Variants in MVP observed in about 807,000 individuals in gnomAD.
The protein encoded by MVP is major vault protein.
A neutral mutation model predicts 83.5 loss-of-function variants in MVP; 62 were observed. The observed-to-expected ratio is 0.74, with a 90% CI of 0.61 to 0.92. The LOEUF (loss-of-function observed/expected upper bound fraction) is 0.92. MVP is among the 40% of genes least tolerant of loss of function. MVP has a pLI of 0.00. For missense variants in MVP, 1,000 were observed against 1,203.4 expected, an observed-to-expected ratio of 0.83 and a Z score of 2.50; for synonymous variants, 505 against 504.1, an observed-to-expected ratio of 1.00 and a Z score of -0.02.
intron 1 of MVP, among the ~76,000 whole-genome samples, chr16:29,826,488 G>A (rs564432529): frequency 1.3e-5 from 2 of 152,170 alleles, no homozygotes; most frequent in African/African-American, 4.8e-5. Flanking sequence ...TTAGCTAGGT[G>A]TGGCAGTACG....
At chr16:29,836,293 G>A (rs537453170) in intron 6 of MVP, among the ~76,000 whole-genome samples, 57 of 150,660 alleles carry the variant, frequency 3.8e-4, no homozygotes, top group African/African-American at 1.3e-3. Flanking sequence ...AAACAAAGCC[G>A]GTCGGGTGCA....
At chr16:29,834,869 AT>A (rs61591338) in intron 5 of MVP, 37,346 of 88,968 alleles carry the variant, frequency 0.42, 6,210 homozygotes, top group East Asian at 0.62. Context: ...TTTTTTTTGT[AT>A]TTTTTTTTTT....
At chr16:29,825,974 C>G (rs1471779180) in intron 1 of MVP, 1 of 152,298 alleles carries the variant, frequency 6.6e-6, no homozygotes, top group Admixed American at 6.5e-5. Context: ...TCCAAGGGAG[C>G]AGTGGAAAAA....
At chr16:29,834,204 C>T in intron 5 of MVP, 138 bp downstream of exon 5, 1 of 1,196,332 alleles carries the variant, frequency 8.4e-7, no homozygotes. Context: ...TGTTGAGGGC[C>T]ACCCACTGCT....
At chr16:29,827,963 A>T (rs1390973927) in intron 1 of MVP, among the ~76,000 whole-genome samples, 6 of 152,038 alleles carry the variant, frequency 3.9e-5, no homozygotes, top group Non-Finnish European at 7.4e-5. Flanking sequence ...GCCACATTTT[A>T]TTTTATTTTT....
chr16:29,843,530 A>G (rs937262110), intron 10 of MVP, among the ~76,000 whole-genome samples: 31 of 20,328 alleles, frequency 1.5e-3, no homozygotes, highest in African/African-American at 2.3e-3. Context: ...GGAAGGGAGG[A>G]AGGGAGGAAG....
chr16:29,823,455 T>C (rs560941827), intron 1 of MVP, among the ~76,000 whole-genome samples: 9 of 152,090 alleles, frequency 5.9e-5, no homozygotes, highest in Non-Finnish European at 1.5e-5. Context: ...CTCACTTCAC[T>C]GGAGAGGAAG....
rs1278461858 is a variant in MVP at position 29,841,214 on chromosome 16, A to C, written c.1192-382A>C. Among the ~76,000 whole-genome samples, 1 of 152,140 alleles carries C rather than the reference A, an allele frequency of 6.6e-6. No individual in the cohort carries two copies. The highest frequency in any genetic ancestry group is 1.9e-4 in the East Asian group (1 of 5,192). Reference sequence around the variant, plus strand: ...GGAATCCGAGGGAGCATCCGTGTACACAGCCTACTTCACCATCCCCGAGGT... The same window carrying C: ...GGAATCCGAGGGAGCATCCGTGTACCCAGCCTACTTCACCATCCCCGAGGT... On this transcript the variant is annotated intron_variant, in intron 8 of 14. Coordinates refer to ENST00000357402, the MANE Select transcript of MVP (RefSeq NM_005115.5). This position sits in a 1 kb window ranked among gnomAD's most constrained non-coding sequence, Gnocchi z 4.7.
In MVP at chr16:29,841,293, C is replaced by T. The variant is rs2067532293; in HGVS notation, c.1192-303C>T. ...TTCTAGAAATAACATTGAGCACCTTCTCTATGCCAAGAGCTGTTTGAGCTA... is the reference window on the plus strand; with the variant it reads ...TTCTAGAAATAACATTGAGCACCTTTTCTATGCCAAGAGCTGTTTGAGCTA... On this transcript the variant is annotated intron_variant, in intron 8 of 14. Transcript: ENST00000357402. This position sits in a 1 kb window ranked among gnomAD's most constrained non-coding sequence, Gnocchi z 4.7. Among the ~76,000 whole-genome samples, 1 of 152,192 alleles carries T rather than the reference C, an allele frequency of 6.6e-6. No homozygotes were observed. The highest frequency in any genetic ancestry group is 1.9e-4 in the East Asian group (1 of 5,198).
At chr16:29,843,805 C>G (rs1242945096) in intron 10 of MVP, among the ~76,000 whole-genome samples, 1 of 152,038 alleles carries the variant, frequency 6.6e-6, no homozygotes, top group East Asian at 1.9e-4. Context: ...GAGGCTGAGG[C>G]AGGAGAATCT....
At chr16:29,834,665 A>G (rs1300704035) in intron 5 of MVP, 1 of 148,628 alleles carries the variant, frequency 6.7e-6, no homozygotes, top group Non-Finnish European at 1.5e-5. Context: ...TACTACCCCG[A>G]GGTGCTACCA....
rs2067563445 is a variant in MVP, at chr16:29,844,430, C to T, written c.1635-63C>T. On this transcript the variant is annotated intron_variant, in intron 10 of 14. Coordinates refer to ENST00000357402, the MANE Select transcript of MVP (RefSeq NM_005115.5). ...CCTGGGCAACATGGCAAGACCTTGT[C>T]TCTTCTAAAGAGAGATTCCTGGGTG... The T allele has an allele frequency of 4.0e-6, 6 of 1,507,418 alleles. No homozygotes were observed. The South Asian group carries it at 5.5e-5, about 14-fold the overall frequency. The allele number at this position is 1,507,418 out of a possible 1,614,324, so 93.4% of individuals were successfully genotyped here.
chr16:29,840,032 C>G lies in MVP; in HGVS notation c.910-146C>G, dbSNP rs527881800. The G allele has an allele frequency of 8.1e-6, 6 of 740,142 alleles. 1 individual carries two copies. In the South Asian group the frequency reaches 9.9e-5, roughly 12 times the overall value. The allele number at this position is 740,142 out of a possible 1,614,324, so 45.8% of individuals were successfully genotyped here. On this transcript the variant is annotated intron_variant, in intron 7 of 14. Transcript: ENST00000357402. Reference sequence around the variant, plus strand: ...GAGCCTCACAGTCCAGACAGTGCCTCACCGTATTATGATGTGGGGGTGGGG... The same window carrying G: ...GAGCCTCACAGTCCAGACAGTGCCTGACCGTATTATGATGTGGGGGTGGGG...
At chr16:29,822,899 G>C (rs912312924) in intron 1 of MVP, among the ~76,000 whole-genome samples, 2 of 151,992 alleles carry the variant, frequency 1.3e-5, no homozygotes, top group Non-Finnish European at 2.9e-5. Context: ...TGTATTTTTA[G>C]TAGAGACGAA....
At chr16:29,832,124 G>T (rs1481669255) in intron 3 of MVP, among the ~76,000 whole-genome samples, 1 of 152,022 alleles carries the variant, frequency 6.6e-6, no homozygotes, top group Non-Finnish European at 1.5e-5. Context: ...AGTGCTGCTT[G>T]ATCCTGAAAG....
intron 1 of MVP, chr16:29,829,931 C>T (rs181274125): frequency 1.3e-5 from 2 of 153,126 alleles, no homozygotes; most frequent in Non-Finnish European, 2.9e-5. Flanking sequence ...CTCATGTAAA[C>T]ATTCCTTTTG....
At position 29,830,721 on chromosome 16, in the gene MVP, C is replaced by A. The variant is rs777659651; in HGVS notation, c.125+47C>A. ...TGGGGGATCCTTGGGGATGTGGGGG[C>A]CTGTTTGGCTGGCATGATGGTCCTT... On this transcript the variant is annotated intron_variant, in intron 2 of 14. Transcript: ENST00000357402. The A allele has an allele frequency of 1.6e-5, 25 of 1,605,288 alleles. 1 individual carries two copies. In the South Asian group the frequency reaches 2.7e-4, roughly 17 times the overall value.
In MVP at chr16:29,841,617, A is replaced by T; in HGVS notation, c.1213A>T (p.Thr405Ser). 6.2e-7 allele frequency: 1 copy of T among 1,606,346 alleles called. No individual in the cohort carries two copies. The highest frequency in any genetic ancestry group is 2.2e-5 in the East Asian group (1 of 44,736). ...TGKVRAVIGSTYMLTQDEVLW... is the reference protein window; with the variant it reads ...TGKVRAVIGSSYMLTQDEVLW... ...CAAGGTGCGCGCTGTGATTGGAAGC[A>T]CCTACATGCTGACCCAGGACGAAGT... The change falls in exon 9 of 15, where the codon ACC becomes TCC. Residue 405 changes from threonine to serine, a missense_variant. Thr to Ser is a moderately conservative substitution (Grantham distance 58, BLOSUM62 1). Transcript: ENST00000357402. The surrounding 1 kb of genome is among the most constrained non-coding windows in gnomAD (Gnocchi z 4.7).
At position 29,836,823 on chromosome 16, in the gene MVP, C is replaced by G. The variant is rs2067491300; in HGVS notation, c.774C>G (p.Ala258=). The change falls in exon 7 of 15, where the codon GCC becomes GCG. Residue 258 remains alanine (A), a synonymous_variant. Coordinates refer to ENST00000357402, the MANE Select transcript of MVP (RefSeq NM_005115.5). ...EWLVTVQDTE[A]HVPDVHEEVL... ...TGGTAACAGTGCAGGACACAGAGGCCCACGTGCCAGATGTCCACGAGGAGG... is the reference window on the plus strand; with the variant it reads ...TGGTAACAGTGCAGGACACAGAGGCGCACGTGCCAGATGTCCACGAGGAGG... 6.2e-7 allele frequency: 1 copy of G among 1,613,812 alleles called. No individual in the cohort carries two copies. Among genetic ancestry groups the G allele is most frequent in the African/African-American group, 1.3e-5 (1 of 75,038 alleles).
Sources: allele counts gnomAD v4.1 joint callset (sites outside exome capture counted in the v4.1 genomes callset), GRCh38; gene constraint gnomAD v4.1.1; non-coding constraint Gnocchi (gnomAD v3.1); transcripts MANE v1.5; gene names NCBI Gene and HGNC (gene_info 2026-07-23, HGNC 2026-07-21).